Variants in HID1 observed in about 807,000 individuals in gnomAD.
The protein encoded by HID1 is HID1 domain containing.
HID1 carries 42 observed loss-of-function variants against 89.7 expected under a neutral mutation model. That is an observed-to-expected ratio of 0.47 (90% CI 0.37 to 0.61). The LOEUF is 0.61. Ranked by LOEUF, HID1 falls within the 20% of genes least tolerant of loss-of-function variation. The pLI, the probability that HID1 is intolerant of heterozygous loss-of-function variation, is 0.00. For missense variants in HID1, 854 were observed against 1,039.3 expected (o/e 0.82, Z 2.45); for synonymous variants, 442 against 433.8 (o/e 1.02, Z -0.24).
chr17:74,964,052 G>T, intron 2 of HID1, 142 bp from the exon 3 acceptor site: 2 of 812,220 alleles, frequency 2.5e-6, no homozygotes, highest in Non-Finnish European at 3.9e-6. Context: ...GGGGCCACAG[G>T]CAGAGGAGCC....
rs758411226 is a variant in HID1 at position 74,962,214 on chromosome 17, C to T, written c.611+20G>A. 1.5e-5 allele frequency: 23 copies of T among 1,585,108 alleles called. No individual in the cohort carries two copies. Among genetic ancestry groups the T allele is most frequent in the Middle Eastern group, 1.7e-4 (1 of 5,952 alleles). Reference sequence around the variant, plus strand: ...CGGGGTCCAGCTGCATTGAGGGCTCCGGGCCTGGGCGAAGCTCACCGGTTC... The same window carrying T: ...CGGGGTCCAGCTGCATTGAGGGCTCTGGGCCTGGGCGAAGCTCACCGGTTC... On this transcript the variant is annotated intron_variant, in intron 5 of 18. Coordinates refer to ENST00000425042, the MANE Select transcript of HID1 (RefSeq NM_030630.3). This position sits in a 1 kb window ranked among gnomAD's most constrained non-coding sequence, Gnocchi z 4.3.
Position 74,951,150 on chromosome 17 carries a change from C to T in HID1, c.*420G>A, listed in dbSNP as rs1023402659. ...TTTGGGTTAGGAGGCTGGAAGCACCCCCTTACCCTGTCCAGGCACCTCAAG... is the reference window on the plus strand; with the variant it reads ...TTTGGGTTAGGAGGCTGGAAGCACCTCCTTACCCTGTCCAGGCACCTCAAG... On this transcript the variant is annotated 3_prime_UTR_variant, in exon 19 of 19. Coordinates refer to ENST00000425042, the MANE Select transcript of HID1 (RefSeq NM_030630.3). 1.1e-5 allele frequency: 2 copies of T among 181,890 alleles called. No homozygotes were observed. The highest frequency in any genetic ancestry group is 5.9e-5 in the Admixed American group (1 of 16,986). The allele number at this position is 181,890 out of a possible 1,614,324, so 11.3% of individuals were successfully genotyped here.
rs375659521 is a variant in HID1, at chr17:74,958,475, C to A, written c.1244G>T (p.Arg415Leu). ...GACACCAATGTGCATCAGGCCCACC[C>A]GAGCTGCGGCAGGTGGCGTGGGAGG... ...FLNDARADQS[R>L]VGLMHIGVFI... Residue 415 changes from arginine to leucine, a missense_variant, in exon 11 of 19, where the codon CGG (arginine) becomes CTG (leucine). Coordinates refer to ENST00000425042, the MANE Select transcript of HID1 (RefSeq NM_030630.3). This position sits in a 1 kb window ranked among gnomAD's most constrained non-coding sequence, Gnocchi z 5.2. 6.3e-7 allele frequency: 1 copy of A among 1,591,632 alleles called. No individual in the cohort carries two copies. The highest frequency in any genetic ancestry group is 1.1e-5 in the South Asian group (1 of 88,180).
chr17:74,966,100 G>C (rs2039558647), intron 1 of HID1, among the ~76,000 whole-genome samples: 2 of 151,552 alleles, frequency 1.3e-5, no homozygotes, highest in African/African-American at 4.9e-5. Flanking sequence ...GCCTGGCCAA[G>C]ATGGTGAAAC....
chr17:74,951,458 C>A lies in HID1; in HGVS notation c.*112G>T. On this transcript the variant is annotated 3_prime_UTR_variant, in exon 19 of 19. Transcript: ENST00000425042. ...GGGCATGACACTCAGGGCCACTCTGCCTGTTCCAGGCCCTGATCGTGGTAA... is the reference window on the plus strand; with the variant it reads ...GGGCATGACACTCAGGGCCACTCTGACTGTTCCAGGCCCTGATCGTGGTAA... 1 of 1,067,484 alleles carries A rather than the reference C, an allele frequency of 9.4e-7. No homozygotes were observed. Among genetic ancestry groups the A allele is most frequent in the Non-Finnish European group, 1.4e-6 (1 of 712,360 alleles). The allele number at this position is 1,067,484 out of a possible 1,614,324, so 66.1% of individuals were successfully genotyped here. A position where few individuals can be genotyped will look rare whatever the true frequency, so the allele number is the denominator to read the frequency against.
intron 1 of HID1, among the ~76,000 whole-genome samples, chr17:74,966,874 G>T (rs1270632716): frequency 6.6e-6 from 1 of 152,082 alleles, no homozygotes; most frequent in Non-Finnish European, 1.5e-5. Context: ...AAGCCCAGAA[G>T]GTCAAGGCTG....
intron 1 of HID1, among the ~76,000 whole-genome samples, chr17:74,969,611 T>C (rs1391662173): frequency 6.6e-6 from 1 of 151,992 alleles, no homozygotes; most frequent in Non-Finnish European, 1.5e-5. Flanking sequence ...TTTTCTTTTG[T>C]TTGTTTTTGA....
At chr17:74,963,417 G>C (rs1035672175) in intron 3 of HID1, 1 of 488,794 alleles carries the variant, frequency 2.0e-6, no homozygotes, top group African/African-American at 1.9e-5. Context: ...CAGGTGGTGT[G>C]GGGGAGAGAG....
Position 74,953,069 on chromosome 17 carries a change from C to T in HID1, c.1989G>A (p.Trp663Ter). Residue 663 changes from tryptophan (W) to a stop codon, truncating the protein, a stop_gained, in exon 16 of 19, where the codon TGG becomes TGA. Coordinates refer to ENST00000425042, the MANE Select transcript of HID1 (RefSeq NM_030630.3). LOFTEE classifies it high-confidence loss of function. ...AGGTGGACGGTCGCCGCTGCTCCCT[C>T]CATGCCTGGCTGGGCTCCTGGCCCC... ...SPAKGEPSQA[W>*]REQRRPSTSS... is the part of the protein sequence containing the mutation. 1 of 1,607,452 alleles carries T rather than the reference C, an allele frequency of 6.2e-7. No homozygotes were observed. The highest frequency in any genetic ancestry group is 8.5e-7 in the Non-Finnish European group (1 of 1,177,836).
chr17:74,957,864 C>T (rs1372469911), intron 12 of HID1: 4 of 418,598 alleles, frequency 9.6e-6, no homozygotes, highest in Non-Finnish European at 1.3e-5. Flanking sequence ...GGTGCCACTG[C>T]ACTCCAGCCT....
intron 1 of HID1, among the ~76,000 whole-genome samples, chr17:74,970,495 A>T (rs2039630292): frequency 6.6e-6 from 1 of 152,268 alleles, no homozygotes; most frequent in Non-Finnish European, 1.5e-5. Flanking sequence ...CAGGTCTGGG[A>T]CTGTCTCCCT....
chr17:74,964,842 G>A (rs568998171), intron 1 of HID1, among the ~76,000 whole-genome samples: 2 of 152,326 alleles, frequency 1.3e-5, no homozygotes, highest in Admixed American at 6.5e-5. Context: ...AGGCATGCAT[G>A]GTCAGGGGTC....
At position 74,963,031 on chromosome 17, in the gene HID1, G is replaced by T. The variant is rs1316822351; in HGVS notation, c.438C>A (p.Leu146=). The T allele has an allele frequency of 6.2e-7, 1 of 1,613,490 alleles. No individual in the cohort carries two copies. Among genetic ancestry groups the T allele is most frequent in the Non-Finnish European group, 8.5e-7 (1 of 1,179,728 alleles). ...EHARPLAESL[L]LAIADLLFCP... Reference sequence around the variant, plus strand: ...AGAAGAGCAGGTCAGCAATGGCCAGGAGCAGGGACTCGGCCAGGGGCCTGG... The same window carrying T: ...AGAAGAGCAGGTCAGCAATGGCCAGTAGCAGGGACTCGGCCAGGGGCCTGG... Residue 146 remains leucine, a synonymous_variant, in exon 4 of 19, where the codon CTC becomes CTA. Coordinates refer to ENST00000425042, the MANE Select transcript of HID1 (RefSeq NM_030630.3).
In HID1 at chr17:74,963,885, G is replaced by A. The variant is rs937700518; in HGVS notation, c.242C>T (p.Ala81Val). 6.2e-7 allele frequency: 1 copy of A among 1,613,830 alleles called. No homozygotes were observed. The highest frequency in any genetic ancestry group is 2.2e-5 in the East Asian group (1 of 44,890). The change falls in exon 3 of 19, where the codon GCT becomes GTT. Residue 81 changes from alanine (A) to valine (V), a missense_variant. Physicochemically the swap from Ala to Val is moderately conservative, Grantham distance 64 (BLOSUM62 0). Coordinates refer to ENST00000425042, the MANE Select transcript of HID1 (RefSeq NM_030630.3). ...CTTCTCCGAGTGGCAGCCACTCTCA[G>A]CTCCCTGCACCAGCTTCTCAACGGC... ...YKAVEKLVQG[A>V]ESGCHSEKEK...
In HID1 at chr17:74,962,517, T is replaced by G. The variant is rs2039498427; in HGVS notation, c.505-177A>C. Among the ~76,000 whole-genome samples, 1 of 152,182 alleles carries G rather than the reference T, an allele frequency of 6.6e-6. No homozygotes were observed. Among genetic ancestry groups the G allele is most frequent in the Non-Finnish European group, 1.5e-5 (1 of 68,026 alleles). ...TGCACAAGAGCAGGAGTGAATATTC[T>G]TAGGCCTCTTGAAAGCTCATTTTTC... On this transcript the variant is annotated intron_variant, in intron 4 of 18. Transcript: ENST00000425042. This position sits in a 1 kb window ranked among gnomAD's most constrained non-coding sequence, Gnocchi z 4.3.
chr17:74,953,016 G>A lies in HID1; in HGVS notation c.2042C>T (p.Thr681Met), dbSNP rs115082567. ...AGGGTCCCTCCTCACCCACTCTGGC[G>A]TTGGGCTCCACTGCCCACTGGCTGA... ...TSSASGQWSP[T>M]PEWVLSWKSK... The change falls in exon 16 of 19, where the codon ACG becomes ATG. Residue 681 changes from threonine to methionine, a missense_variant. Physicochemically the swap from Thr to Met is moderately conservative, Grantham distance 81 (BLOSUM62 -1). Transcript: ENST00000425042. 7.5e-6 allele frequency: 12 copies of A among 1,606,884 alleles called. No homozygotes were observed. Among genetic ancestry groups the A allele is most frequent in the South Asian group, 3.3e-5 (3 of 89,750 alleles).
rs1598616285 is a variant in HID1, at chr17:74,954,054, G to C, written c.1864+84C>G. On this transcript the variant is annotated intron_variant, in intron 14 of 18. Transcript: ENST00000425042. ...CATACATAAGCCATGCTCTTTGCCA[G>C]AGATGGGGGTGACACCCCGAGACCA... The C allele has an allele frequency of 5.4e-6, 7 of 1,301,708 alleles. No homozygotes were observed. The East Asian group carries it at 1.7e-4, about 32-fold the overall frequency. The allele number at this position is 1,301,708 out of a possible 1,614,324, so 80.6% of individuals were successfully genotyped here. A position where few individuals can be genotyped will look rare whatever the true frequency, so the allele number is the denominator to read the frequency against.
At chr17:74,961,795 A>G in intron 6 of HID1, 78 bp downstream of exon 6, 1 of 850,510 alleles carries the variant, frequency 1.2e-6, no homozygotes, top group East Asian at 2.9e-5. Context: ...AACGAGACCC[A>G]GAGCTGGCGA....
At chr17:74,970,605 C>G (rs763852904) in intron 1 of HID1, 1 of 152,606 alleles carries the variant, frequency 6.6e-6, no homozygotes, top group African/African-American at 2.4e-5. Flanking sequence ...GACCATGGGG[C>G]AGGAAGAAAA....
Sources: gnomAD v4.1 joint callset for allele counts (sites outside exome capture counted in the v4.1 genomes callset) on GRCh38, gnomAD v4.1.1 for gene constraint, Gnocchi (gnomAD v3.1) non-coding constraint, MANE v1.5 for transcripts, NCBI Gene and HGNC (gene_info 2026-07-23, HGNC 2026-07-21) for gene names.